Variants in SWAP70 observed in about 807,000 individuals in gnomAD.
SWAP70 encodes switch-associated protein 70.
In SWAP70, 34 loss-of-function variants were observed where a neutral mutation model predicts 80.2. That is an observed-to-expected ratio of 0.42 (90% CI 0.32 to 0.56). The LOEUF (loss-of-function observed/expected upper bound fraction) is 0.56, where lower values mean the gene tolerates loss of function less well. SWAP70 is among the 20% of genes least tolerant of loss of function. SWAP70 has a pLI of 0.09. For missense variants in SWAP70, 578 were observed against 690.7 expected (o/e 0.84, Z 1.83); for synonymous variants, 239 against 238.5 (o/e 1.00, Z -0.02).
At position 9,685,050 on chromosome 11, in the gene SWAP70, C is replaced by G. The variant is rs553436378; in HGVS notation, c.100-9096C>G. ...TAAAAGACATTTGTGCAATATTTCA[C>G]TGGGGGGCTGGACTCTCAGGAGGCT... On this transcript the variant is annotated intron_variant, in intron 1 of 11. Coordinates refer to ENST00000318950, the MANE Select transcript of SWAP70 (RefSeq NM_015055.4). 2.6e-5 allele frequency among the ~76,000 whole-genome samples: 4 copies of G among 151,940 alleles called. No individual in the cohort carries two copies. In the East Asian group the frequency reaches 7.7e-4, roughly 29 times the overall value.
chr11:9,744,308 T>C (rs1415366776), intron 9 of SWAP70, among the ~76,000 whole-genome samples: 1 of 152,194 alleles, frequency 6.6e-6, no homozygotes, highest in Admixed American at 6.5e-5. Flanking sequence ...TTATTAACTT[T>C]TAATTTTTGT....
intron 9 of SWAP70, among the ~76,000 whole-genome samples, chr11:9,742,179 C>T (rs1336046016): frequency 6.6e-6 from 1 of 152,118 alleles, no homozygotes; most frequent in Non-Finnish European, 1.5e-5. Flanking sequence ...CCAGATGTAA[C>T]TTCTACATAC....
chr11:9,683,133 C>T (rs919941477), intron 1 of SWAP70, among the ~76,000 whole-genome samples: 5 of 152,148 alleles, frequency 3.3e-5, no homozygotes, highest in Admixed American at 1.3e-4. Flanking sequence ...GGTACGCTGG[C>T]GCATGCCTGT....
At chr11:9,694,087 G>T in intron 1 of SWAP70, 59 bp from the exon 2 acceptor site, 1 of 1,491,404 alleles carries the variant, frequency 6.7e-7, no homozygotes, top group South Asian at 1.4e-5. Flanking sequence ...TGTACTCATG[G>T]TGAAGGTGTC....
intron 8 of SWAP70, among the ~76,000 whole-genome samples, chr11:9,739,050 G>A (rs749383738): frequency 4.1e-4 from 63 of 152,124 alleles, no homozygotes; most frequent in Non-Finnish European, 6.3e-4. Context: ...TAGGTTCCAT[G>A]GTATATCTCC....
intron 1 of SWAP70, among the ~76,000 whole-genome samples, chr11:9,684,867 A>G (rs1219256223): frequency 2.6e-5 from 4 of 152,222 alleles, no homozygotes; most frequent in African/African-American, 9.6e-5. Flanking sequence ...CAGCTCTCTC[A>G]TTAGGTACTT....
At chr11:9,705,060 T>TA (rs1374671656) in intron 2 of SWAP70, among the ~76,000 whole-genome samples, 4 of 128,682 alleles carry the variant, frequency 3.1e-5, no homozygotes, top group African/African-American at 1.2e-4. Context: ...ACACTGGTGA[T>TA]CTGTATACAC....
chr11:9,717,116 C>T (rs144706250), intron 3 of SWAP70, among the ~76,000 whole-genome samples: 230 of 152,144 alleles, frequency 1.5e-3, no homozygotes, highest in African/African-American at 4.4e-3. Context: ...AAGGCAGTTT[C>T]GCTGTAGTGG....
intron 2 of SWAP70, among the ~76,000 whole-genome samples, chr11:9,707,076 G>C (rs1212383420): frequency 6.6e-6 from 1 of 151,762 alleles, no homozygotes; most frequent in Non-Finnish European, 1.5e-5. Flanking sequence ...TATTTTGTTT[G>C]ACATTATACC....
chr11:9,726,619 A>G (rs1303248874), intron 4 of SWAP70, among the ~76,000 whole-genome samples: 4 of 152,254 alleles, frequency 2.6e-5, no homozygotes, highest in African/African-American at 4.8e-5. Flanking sequence ...AGAACTTAAT[A>G]TAATAACCAA....
In SWAP70 at chr11:9,664,120, T is replaced by A. The variant is rs1482817292; in HGVS notation, c.-60T>A. On this transcript the variant is annotated 5_prime_UTR_variant, in exon 1 of 12. Transcript: ENST00000318950. The stretch of plus-strand genomic sequence containing the variant: ...CTGTGGCTGCGGAGGTTGAGGGGCG[T>A]CCGAGGCGCGGAGGGGCTGGCTGGG... 9 of 1,486,916 alleles carry A rather than the reference T, an allele frequency of 6.1e-6. No individual in the cohort carries two copies. The highest frequency in any genetic ancestry group is 8.1e-6 in the Non-Finnish European group (9 of 1,110,472). 92.1% of individuals were successfully genotyped at this position (1,486,916 alleles called of 1,614,324 possible). A position where few individuals can be genotyped will look rare whatever the true frequency, so the allele number is the denominator to read the frequency against.
chr11:9,746,964 A>G (rs941580522), intron 9 of SWAP70, among the ~76,000 whole-genome samples: 2 of 152,218 alleles, frequency 1.3e-5, no homozygotes, highest in African/African-American at 4.8e-5. Context: ...GCTGGCAGGT[A>G]GTAGTAACTG....
chr11:9,671,780 ATAT>A (rs1380312628), intron 1 of SWAP70, among the ~76,000 whole-genome samples: 486 of 12,766 alleles, frequency 0.038, 16 homozygotes, highest in African/African-American at 0.048. Context: ...TAAATATAAT[ATAT>A]TATTATTTAT....
At chr11:9,671,529 TAA>T (rs1565109428) in intron 1 of SWAP70, among the ~76,000 whole-genome samples, 13 of 84,248 alleles carry the variant, frequency 1.5e-4, no homozygotes, top group African/African-American at 2.3e-4. Flanking sequence ...TATAAATATA[TAA>T]ATATATAGAA....
intron 2 of SWAP70, among the ~76,000 whole-genome samples, chr11:9,711,624 CA>C (rs1438941685): frequency 2.6e-5 from 4 of 151,986 alleles, no homozygotes; most frequent in African/African-American, 4.8e-5. Context: ...AGATCATGGA[CA>C]GGGGCAGTGG....
chr11:9,745,009 T>C (rs1026669596), intron 9 of SWAP70, among the ~76,000 whole-genome samples: 2 of 152,252 alleles, frequency 1.3e-5, no homozygotes, highest in Non-Finnish European at 2.9e-5. Context: ...GAGTACACCT[T>C]AGTCGTGTCT....
chr11:9,672,441 C>T (rs1466025821), intron 1 of SWAP70, among the ~76,000 whole-genome samples: 5 of 151,158 alleles, frequency 3.3e-5, no homozygotes, highest in African/African-American at 9.7e-5. Context: ...CATAGCTCAC[C>T]ATACCCATGA....
Position 9,751,086 on chromosome 11 carries a change from T to C in SWAP70, c.*1116T>C, listed in dbSNP as rs952063060. ...AAAGAAGCTAATTTGAAATAAAAATTATTTGTATAATTAAGAAAGCAGATT... is the reference window on the plus strand; with the variant it reads ...AAAGAAGCTAATTTGAAATAAAAATCATTTGTATAATTAAGAAAGCAGATT... On this transcript the variant is annotated 3_prime_UTR_variant, in exon 12 of 12. Coordinates refer to ENST00000318950, the MANE Select transcript of SWAP70 (RefSeq NM_015055.4). 5.3e-5 allele frequency: 8 copies of C among 152,206 alleles called. No individual in the cohort carries two copies. Among genetic ancestry groups the C allele is most frequent in the African/African-American group, 1.9e-4 (8 of 41,456 alleles). 9.4% of individuals were successfully genotyped at this position (152,206 alleles called of 1,614,324 possible).
chr11:9,699,866 G>GTA (rs113413903), intron 2 of SWAP70, among the ~76,000 whole-genome samples: 44,031 of 143,674 alleles, frequency 0.31, 7,058 homozygotes, highest in Admixed American at 0.37. Flanking sequence ...TGTATAGTGT[G>GTA]TATATATATA....
Sources: gnomAD v4.1 joint callset for allele counts (sites outside exome capture counted in the v4.1 genomes callset) on GRCh38, gnomAD v4.1.1 for gene constraint, MANE v1.5 for transcripts, NCBI Gene and HGNC (gene_info 2026-07-23, HGNC 2026-07-21) for gene names.